The following SLC22A8 variants were observed in gnomAD, a reference collection of about 807,000 sequenced individuals.
SLC22A8 encodes organic anion transporter 3.
SLC22A8 carries 40 observed loss-of-function variants against 48.4 expected under a neutral mutation model. The observed-to-expected ratio is 0.83, with a 90% CI of 0.64 to 1.08. The LOEUF (loss-of-function observed/expected upper bound fraction) is 1.08. SLC22A8 is among the 50% of genes least tolerant of loss of function. SLC22A8 has a pLI of 0.00. For synonymous variants in SLC22A8, 268 were observed against 286.3 expected, an observed-to-expected ratio of 0.94 and a Z score of 0.65; for missense variants, 606 against 699.0, an observed-to-expected ratio of 0.87 and a Z score of 1.50.
intron 2 of SLC22A8, among the ~76,000 whole-genome samples, chr11:63,006,774 A>ATT (rs200742595): frequency 2.5e-4 from 35 of 141,788 alleles, no homozygotes; most frequent in East Asian, 2.3e-3. Flanking sequence ...TGCCTGGCTA[A>ATT]TTTTTTTTTT....
rs58058368 is a variant in SLC22A8 at position 63,006,595 on chromosome 11, G to GTTTTTTTTTTTTTTTTTTTTTTT, written c.334-5795_334-5773dup. 3.9e-4 allele frequency among the ~76,000 whole-genome samples: 20 copies of GTTTTTTTTTTTTTTTTTTTTTTT among 51,426 alleles called. 6 individuals carry two copies. Among genetic ancestry groups the GTTTTTTTTTTTTTTTTTTTTTTT allele is most frequent in the South Asian group, 2.1e-3 (2 of 966 alleles). The allele number at this position is 51,426 out of a possible 152,430, so 33.7% of individuals were successfully genotyped here. On this transcript the variant is annotated intron_variant, in intron 2 of 10. Transcript: ENST00000336232. ...TGAGGACTGAGAATGTCTCATTTGAGTTTTTTTTTTTTTTTTTTTTTTTTT... is the reference window on the plus strand; with the variant it reads ...TGAGGACTGAGAATGTCTCATTTGAGTTTTTTTTTTTTTTTTTTTTTTTTTTTTTTTTTTTTTTTTTTTTTTTT...
chr11:62,993,930 G>T, intron 8 of SLC22A8, 52 bp from the exon 9 acceptor site: 2 of 1,096,350 alleles, frequency 1.8e-6, no homozygotes, highest in Non-Finnish European at 2.8e-6. Flanking sequence ...GCACCTAAGA[G>T]TTCTCACTCC....
At chr11:63,002,993 T>A (rs1197965426) in intron 2 of SLC22A8, among the ~76,000 whole-genome samples, 1 of 152,204 alleles carries the variant, frequency 6.6e-6, no homozygotes, top group African/African-American at 2.4e-5. Context: ...TCCTAGCCAT[T>A]CTTTCCCTGA....
At chr11:63,004,597 C>T (rs2086534460) in intron 2 of SLC22A8, among the ~76,000 whole-genome samples, 1 of 152,176 alleles carries the variant, frequency 6.6e-6, no homozygotes, top group African/African-American at 2.4e-5. Flanking sequence ...CTCCCAGCAG[C>T]CTATACCTCT....
chr11:63,011,010 G>A (rs1417100188), intron 2 of SLC22A8, among the ~76,000 whole-genome samples: 2 of 152,198 alleles, frequency 1.3e-5, no homozygotes, highest in Non-Finnish European at 2.9e-5. Context: ...CATGCATCTA[G>A]TCCTGTGATG....
chr11:63,011,753 A>G (rs985083629), intron 2 of SLC22A8, among the ~76,000 whole-genome samples: 4 of 152,200 alleles, frequency 2.6e-5, no homozygotes, highest in Non-Finnish European at 5.9e-5. Context: ...TCTAAGGGGC[A>G]GTCAGAGTGA....
Position 62,996,120 on chromosome 11 carries a change from A to T in SLC22A8, c.794T>A (p.Leu265Ter), listed in dbSNP as rs752732610. ...WTPESIRWLV[L>*]SGKSSKALKI... ...CAGGGCCTTCGAGGACTTTCCAGACAAGACCAACCAGCGTATGGACTCTGG... is the reference window on the plus strand; with the variant it reads ...CAGGGCCTTCGAGGACTTTCCAGACTAGACCAACCAGCGTATGGACTCTGG... The change falls in exon 6 of 11, where the codon TTG (leucine) becomes TAG (stop). Residue 265 changes from leucine (L) to a stop codon, truncating the protein, a stop_gained. Coordinates refer to ENST00000336232, the MANE Select transcript of SLC22A8 (RefSeq NM_004254.4). LOFTEE classifies it high-confidence loss of function. 2 of 1,612,792 alleles carry T rather than the reference A, an allele frequency of 1.2e-6. No individual in the cohort carries two copies. The highest frequency in any genetic ancestry group is 1.7e-5 in the Admixed American group (1 of 59,908).
In SLC22A8 at chr11:63,014,974, C is replaced by T. The variant is rs4149179; in HGVS notation, c.-16G>A. 0.042 allele frequency: 64,730 copies of T among 1,530,816 alleles called. 2,777 individuals are homozygous for T. The highest frequency in any genetic ancestry group is 0.24 in the East Asian group (10,493 of 43,906). The allele number at this position is 1,530,816 out of a possible 1,614,324, so 94.8% of individuals were successfully genotyped here. ...AGAAGGTCATGGCACTGGGGCAAGA[C>T]GAGCCAGAGCTGTGGGCAGGGCATA... On this transcript the variant is annotated 5_prime_UTR_variant, in exon 2 of 11. Coordinates refer to ENST00000336232, the MANE Select transcript of SLC22A8 (RefSeq NM_004254.4).
chr11:63,000,736 C>T lies in SLC22A8; in HGVS notation c.421G>A (p.Gly141Arg), dbSNP rs774693315. 6.2e-7 allele frequency: 1 copy of T among 1,612,838 alleles called. No individual in the cohort carries two copies. The highest frequency in any genetic ancestry group is 1.1e-5 in the South Asian group (1 of 91,052). The change falls in exon 3 of 11, where the codon GGA becomes AGA. Residue 141 changes from glycine to arginine, a missense_variant. Gly to Arg is a moderately radical substitution (Grantham distance 125). Coordinates refer to ENST00000336232, the MANE Select transcript of SLC22A8 (RefSeq NM_004254.4). ...ATGTCTCACCTGTCAGACAGGTCTC[C>T]AAGCACGAGCCCTCCAATCAGTATA... ...AGILIGGLVL[G>R]DLSDRFGRRP...
At chr11:63,000,638 T>G in intron 3 of SLC22A8, 82 bp downstream of exon 3, 1 of 1,001,666 alleles carries the variant, frequency 1.0e-6, no homozygotes, top group Non-Finnish European at 1.6e-6. Flanking sequence ...CTTTGCCTCT[T>G]TGCGGGTGCA....
At position 62,995,694 on chromosome 11, in the gene SLC22A8, G is replaced by T. The variant is rs752366186; in HGVS notation, c.1001+10C>A. 8 of 1,599,968 alleles carry T rather than the reference G, an allele frequency of 5.0e-6. No individual in the cohort carries two copies. Among genetic ancestry groups the T allele is most frequent in the East Asian group, 2.2e-5 (1 of 44,814 alleles). ...CCTTGGCAGGGTGTGGGCAGGGAGA[G>T]GGGGGTTACCAGGCCAGGGAAAGAC... is the stretch of plus-strand genomic sequence containing the variant. On this transcript the variant is annotated intron_variant, in intron 7 of 10. Coordinates refer to ENST00000336232, the MANE Select transcript of SLC22A8 (RefSeq NM_004254.4).
At chr11:62,996,179 G>C (rs1379053990) in intron 5 of SLC22A8, 27 bp from the exon 6 acceptor site, 1 of 1,573,274 alleles carries the variant, frequency 6.4e-7, no homozygotes, top group Admixed American at 1.8e-5. Flanking sequence ...AGTCACAGTG[G>C]CTCCTCCCAC....
Position 62,996,099 on chromosome 11 carries a change from G to A in SLC22A8, c.815C>T (p.Ala272Val). 6.2e-7 allele frequency: 1 copy of A among 1,613,906 alleles called. No homozygotes were observed. The highest frequency in any genetic ancestry group is 1.7e-5 in the Admixed American group (1 of 59,990). Residue 272 changes from alanine to valine, a missense_variant, in exon 6 of 11, where the codon GCC (alanine) becomes GTC (valine). Physicochemically the swap from Ala to Val is moderately conservative, Grantham distance 64. Transcript: ENST00000336232. ...WLVLSGKSSK[A>V]LKILRRVAVF... The stretch of plus-strand genomic sequence containing the variant: ...AGCCACCCGCCGGAGTATCTTCAGG[G>A]CCTTCGAGGACTTTCCAGACAAGAC...
intron 2 of SLC22A8, among the ~76,000 whole-genome samples, chr11:63,004,049 C>T (rs187929944): frequency 6.6e-6 from 1 of 152,262 alleles, no homozygotes; most frequent in East Asian, 1.9e-4. Flanking sequence ...ATAATTAGTG[C>T]CTTAAGAAAT....
At chr11:62,994,802 G>T in intron 7 of SLC22A8, 46 bp from the exon 8 acceptor site, 1 of 1,459,636 alleles carries the variant, frequency 6.9e-7, no homozygotes, top group Non-Finnish European at 9.6e-7. Context: ...CCAGGCAGAG[G>T]CCACTCCCCA....
At chr11:63,013,607 C>T (rs1335288262) in intron 2 of SLC22A8, among the ~76,000 whole-genome samples, 1 of 152,216 alleles carries the variant, frequency 6.6e-6, no homozygotes, top group Admixed American at 6.5e-5. Context: ...ACATTTGTCT[C>T]CCTGTACTTC....
At chr11:62,999,606 T>C (rs1219110941) in intron 4 of SLC22A8, 82 bp downstream of exon 4, 2 of 1,225,896 alleles carry the variant, frequency 1.6e-6, no homozygotes, top group Non-Finnish European at 2.2e-6. Context: ...AGCCTGTGGT[T>C]GAGCCAGACC....
chr11:63,008,238 G>A (rs61893813), intron 2 of SLC22A8, among the ~76,000 whole-genome samples: 3 of 152,316 alleles, frequency 2.0e-5, no homozygotes, highest in South Asian at 2.1e-4. Flanking sequence ...GAGTCAGGAC[G>A]AGCCATTTGT....
At position 62,994,550 on chromosome 11, in the gene SLC22A8, A is replaced by G. The variant is rs766729668; in HGVS notation, c.1208T>C (p.Val403Ala). 1.4e-5 allele frequency: 22 copies of G among 1,606,198 alleles called. No homozygotes were observed. In the South Asian group the frequency reaches 2.3e-4, roughly 17 times the overall value. ...TAGCCCCAGTCTCTCACCCAAGGGC[A>G]CAAAGGTGAGAGCCAAGATGGCCCC... ...AGGAILALTF[V>A]PLDLQTVRTV... is the part of the protein sequence containing the mutation. Residue 403 changes from valine to alanine, a missense_variant, in exon 8 of 11, where the codon GTG becomes GCG. Physicochemically the swap from Val to Ala is moderately conservative, Grantham distance 64 (BLOSUM62 0). Transcript: ENST00000336232.
Sources: allele counts gnomAD v4.1 joint callset (sites outside exome capture counted in the v4.1 genomes callset), GRCh38; gene constraint gnomAD v4.1.1; transcripts MANE v1.5; gene names NCBI Gene and HGNC (gene_info 2026-07-23, HGNC 2026-07-21).